Variants in PRAME observed in about 807,000 individuals in gnomAD.
PRAME encodes the protein melanoma antigen preferentially expressed in tumors.
A neutral mutation model predicts 32.1 loss-of-function variants in PRAME; 21 were observed. The ratio of observed to expected loss-of-function variants is 0.65; its 90% CI spans 0.46 to 0.94. PRAME has a LOEUF of 0.94. Ranked by LOEUF, PRAME falls within the 40% of genes least tolerant of loss-of-function variation. The pLI is 0.00. For missense variants in PRAME, 651 were observed against 622.3 expected (o/e 1.05, Z -0.49); for synonymous variants, 274 against 251.5 (o/e 1.09, Z -0.85).
In PRAME at chr22:22,547,924, GT is replaced by G; in HGVS notation, c.*142del. ...TTCCTCACTGAACATTTGTCTGAAT[GT>G]TTTTTCCTCACTGAACATGTTTTCC... is the stretch of plus-strand genomic sequence containing the variant. On this transcript the variant is annotated 3_prime_UTR_variant, in exon 6 of 6. Transcript: ENST00000405655. 1.1e-6 allele frequency: 1 copy of G among 946,070 alleles called. No individual in the cohort carries two copies. The highest frequency in any genetic ancestry group is 1.6e-6 in the Non-Finnish European group (1 of 626,800). 58.6% of individuals were successfully genotyped at this position (946,070 alleles called of 1,614,324 possible).
chr22:22,555,826 C>A (rs992092348), intron 3 of PRAME: 1 of 466,946 alleles, frequency 2.1e-6, no homozygotes. Context: ...TTCCCAGGAC[C>A]GACACTTACC....
At chr22:22,554,065 T>C (rs2062758884) in intron 3 of PRAME, 4 of 984,440 alleles carry the variant, frequency 4.1e-6, no homozygotes, top group Non-Finnish European at 4.8e-6. Flanking sequence ...TCTATTTCCA[T>C]GCTAGGCACA....
At chr22:22,554,893 C>T (rs9623773) in intron 3 of PRAME, among the ~76,000 whole-genome samples, 59,502 of 151,442 alleles carry the variant, frequency 0.39, 13,274 homozygotes, top group South Asian at 0.51. Flanking sequence ...GGAGGAGGAA[C>T]CGCGATCAAG....
Position 22,548,345 on chromosome 22 carries a change from T to C in PRAME, c.1252A>G (p.Ile418Val). The C allele has an allele frequency of 6.2e-7, 1 of 1,613,534 alleles. No homozygotes were observed. The change falls in exon 6 of 6, where the codon ATC becomes GTC. Residue 418 changes from isoleucine to valine, a missense_variant. Physicochemically the swap from Ile to Val is conservative, Grantham distance 29 (BLOSUM62 3). Coordinates refer to ENST00000405655, the MANE Select transcript of PRAME (RefSeq NM_206956.3). ...AGACTCTGCAGGGCAGATATGGAGATGGAATTCCCGTAGAAGCTTAAGGTC... is the reference window on the plus strand; with the variant it reads ...AGACTCTGCAGGGCAGATATGGAGACGGAATTCCCGTAGAAGCTTAAGGTC... The part of the protein sequence containing the change: ...LTTLSFYGNS[I>V]SISALQSLLQ...
Position 22,548,267 on chromosome 22 carries a change from G to A in PRAME, c.1330C>T (p.Pro444Ser), listed in dbSNP as rs1340569390. 1 of 1,613,712 alleles carries A rather than the reference G, an allele frequency of 6.2e-7. No homozygotes were observed. Among genetic ancestry groups the A allele is most frequent in the Non-Finnish European group, 8.5e-7 (1 of 1,179,964 alleles). ...TGGATGTCCTCATAACTCTCCAGGG[G>A]GACAGGATACAGCACGTGGGTCAGA... ...SNLTHVLYPVPLESYEDIHGT... is the reference protein window; with the variant it reads ...SNLTHVLYPVSLESYEDIHGT... The change falls in exon 6 of 6, where the codon CCC becomes TCC. Residue 444 changes from proline to serine, a missense_variant. By Grantham distance (74) the Pro-to-Ser change is moderately conservative (BLOSUM62 -1). Transcript: ENST00000405655.
At chr22:22,554,905 G>T (rs1426504809) in intron 3 of PRAME, among the ~76,000 whole-genome samples, 1 of 151,932 alleles carries the variant, frequency 6.6e-6, no homozygotes, top group Non-Finnish European at 1.5e-5. Flanking sequence ...GCGATCAAGT[G>T]TGAGTTGTGT....
rs1339209328 is a variant in PRAME at position 22,559,236 on chromosome 22, A to T, written c.-379T>A. ...TCCCGGAGCGGTGCTGAGGCGCTGC[A>T]GGCCCGGCTTCTGGCTGCGGGGGAG... On this transcript the variant is annotated 5_prime_UTR_variant, in exon 1 of 6. Coordinates refer to ENST00000405655, the MANE Select transcript of PRAME (RefSeq NM_206956.3). The T allele has an allele frequency of 3.2e-5, 10 of 311,044 alleles. No homozygotes were observed. The highest frequency in any genetic ancestry group is 6.3e-5 in the Non-Finnish European group (10 of 158,936). The allele number at this position is 311,044 out of a possible 1,614,324, so 19.3% of individuals were successfully genotyped here.
intron 3 of PRAME, among the ~76,000 whole-genome samples, chr22:22,554,522 G>A (rs1368292634): frequency 2.6e-5 from 4 of 151,842 alleles, no homozygotes; most frequent in South Asian, 4.2e-4. Flanking sequence ...AGTAATAAAG[G>A]TCATTGTCAA....
Position 22,551,011 on chromosome 22 carries a change from G to A in PRAME, c.100C>T (p.Leu34=). ...RRLVELAGQS[L]LKDEALAIAA... is the part of the protein sequence containing the mutation. The stretch of plus-strand genomic sequence containing the variant: ...ATGGCCAGGGCCTCATCCTTCAGCA[G>A]GCTCTGCCCTGCCAGCTCCACAAGT... The change falls in exon 4 of 6, where the codon CTG becomes TTG. Residue 34 remains leucine, a synonymous_variant. Transcript: ENST00000405655. 6.2e-7 allele frequency: 1 copy of A among 1,612,584 alleles called. No homozygotes were observed. Among genetic ancestry groups the A allele is most frequent in the South Asian group, 1.1e-5 (1 of 90,960 alleles).
At position 22,549,871 on chromosome 22, in the gene PRAME, T is replaced by C. The variant is rs2062464728; in HGVS notation, c.808A>G (p.Ile270Val). ...GGGGAAATGTAGGAAGATGCATGGA[T>C]GTGGGAGAGGAGGAGTCTACGCAGA... Reference protein sequence around the residue: ...INLRRLLLSHIHASSYISPEK... With the variant: ...INLRRLLLSHVHASSYISPEK... The change falls in exon 5 of 6, where the codon ATC becomes GTC. Residue 270 changes from isoleucine to valine, a missense_variant. By Grantham distance (29) the Ile-to-Val change is conservative. Coordinates refer to ENST00000405655, the MANE Select transcript of PRAME (RefSeq NM_206956.3). The C allele has an allele frequency of 3.7e-6, 6 of 1,613,758 alleles. No individual in the cohort carries two copies. Among genetic ancestry groups the C allele is most frequent in the Non-Finnish European group, 5.1e-6 (6 of 1,179,934 alleles).
intron 3 of PRAME, among the ~76,000 whole-genome samples, chr22:22,555,178 T>A (rs2062834080): frequency 6.6e-6 from 1 of 151,918 alleles, no homozygotes; most frequent in Non-Finnish European, 1.5e-5. Context: ...CAGGCCAGAG[T>A]GGCCTCTGAG....
intron 3 of PRAME, among the ~76,000 whole-genome samples, chr22:22,556,176 T>C (rs2062904568): frequency 6.6e-6 from 1 of 150,942 alleles, no homozygotes; most frequent in African/African-American, 2.4e-5. Flanking sequence ...ATTTTTTTTC[T>C]ATTTTTAGTA....
intron 3 of PRAME, 48 bp downstream of exon 3, chr22:22,556,764 G>C: frequency 6.2e-7 from 1 of 1,610,306 alleles, no homozygotes; most frequent in South Asian, 1.1e-5. Flanking sequence ...GGACAGAGGG[G>C]AACAGGGCTT....
At position 22,555,887 on chromosome 22, in the gene PRAME, A is replaced by G. The variant is rs966220602; in HGVS notation, c.21+925T>C. ...GTGAGATCAAAGCCTCCTGGAGCTC[A>G]TACTCTCTGACACCACTGGAAGTGT... is the stretch of plus-strand genomic sequence containing the variant. On this transcript the variant is annotated intron_variant, in intron 3 of 5. Transcript: ENST00000405655. 3 of 470,788 alleles carry G rather than the reference A, an allele frequency of 6.4e-6. No individual in the cohort carries two copies. The Admixed American group carries it at 7.1e-5, about 11-fold the overall frequency. 29.2% of individuals were successfully genotyped at this position (470,788 alleles called of 1,614,324 possible). A position where few individuals can be genotyped will look rare whatever the true frequency, so the allele number is the denominator to read the frequency against.
intron 3 of PRAME, chr22:22,554,272 G>A: frequency 1.0e-6 from 1 of 982,530 alleles, no homozygotes. Context: ...ATATTCTACT[G>A]GCAAGTGTCC....
At chr22:22,551,228 C>A (rs1026959213) in intron 3 of PRAME, 139 bp from the exon 4 acceptor site, 7 of 722,806 alleles carry the variant, frequency 9.7e-6, no homozygotes, top group African/African-American at 8.9e-5. Flanking sequence ...CAGTTTACCC[C>A]GATTCCACTC....
At position 22,559,136 on chromosome 22, in the gene PRAME, C is replaced by T. The variant is rs574075439; in HGVS notation, c.-279G>A. 8.1e-4 allele frequency: 181 copies of T among 224,130 alleles called. 2 individuals carry two copies. The highest frequency in any genetic ancestry group is 3.5e-3 in the African/African-American group (148 of 41,828). The allele number at this position is 224,130 out of a possible 1,614,324, so 13.9% of individuals were successfully genotyped here. ...CTGCAGAGGACTCCGCCCTGCTTTC[C>T]CTACATTCAGGGCTGCTCCTTTTGT... is the stretch of plus-strand genomic sequence containing the variant. On this transcript the variant is annotated 5_prime_UTR_variant, in exon 1 of 6. Transcript: ENST00000405655.
intron 3 of PRAME, among the ~76,000 whole-genome samples, chr22:22,554,715 C>T (rs987282913): frequency 6.6e-6 from 1 of 151,930 alleles, no homozygotes; most frequent in Admixed American, 6.6e-5. Context: ...ATTGGTAGCC[C>T]TTATGTGAGG....
intron 3 of PRAME, among the ~76,000 whole-genome samples, chr22:22,551,765 A>C (rs1014480530): frequency 6.6e-6 from 1 of 151,938 alleles, no homozygotes; most frequent in Non-Finnish European, 1.5e-5. Context: ...TTTTCTCCCA[A>C]AACATTAGTT....
Sources: allele counts gnomAD v4.1 joint callset (sites outside exome capture counted in the v4.1 genomes callset), GRCh38; gene constraint gnomAD v4.1.1; transcripts MANE v1.5; gene names NCBI Gene and HGNC (gene_info 2026-07-23, HGNC 2026-07-21).